The following TBL1Y variants were observed in gnomAD, a reference collection of about 807,000 sequenced individuals.
TBL1Y encodes the protein F-box-like/WD repeat-containing protein TBL1Y.
A neutral mutation model predicts 12.0 loss-of-function variants in TBL1Y; 15 were observed. The ratio of observed to expected loss-of-function variants is 1.25; its 90% CI spans 0.83 to 1.92. The LOEUF (loss-of-function observed/expected upper bound fraction) is 1.92. TBL1Y is among the 40% of genes most tolerant of loss of function. The probability of loss-of-function intolerance (pLI) is 0.00; values close to 1 mark genes in which losing one functional copy is unlikely to be tolerated. For synonymous variants in TBL1Y, 53 were observed against 42.6 expected, an observed-to-expected ratio of 1.24 and a Z score of -0.95; for missense variants, 148 against 116.7, an observed-to-expected ratio of 1.27 and a Z score of -1.24.
At chrY:6,997,395 G>A in intron 4 of TBL1Y, among the ~76,000 whole-genome samples, 1 of 32,570 alleles carries the variant, frequency 3.1e-5, no homozygotes, top group East Asian at 8.1e-4. Flanking sequence ...TCCAGCCTGG[G>A]TGACAGAGCA....
chrY:6,968,524 G>A, intron 2 of TBL1Y, among the ~76,000 whole-genome samples: 6 of 33,573 alleles, frequency 1.8e-4, no homozygotes, highest in Non-Finnish European at 1.5e-4. Context: ...GAAGGGAGTC[G>A]AAAGCAGCAT....
At chrY:7,022,148 G>T in intron 5 of TBL1Y, among the ~76,000 whole-genome samples, 1 of 32,771 alleles carries the variant, frequency 3.1e-5, no homozygotes, top group Admixed American at 2.8e-4. Context: ...CACCCCAAAA[G>T]TTCTTTTAAA....
intron 4 of TBL1Y, among the ~76,000 whole-genome samples, chrY:7,005,640 G>A: frequency 3.0e-5 from 1 of 33,037 alleles, no homozygotes. Context: ...GCCCATTTCA[G>A]GTACATTTTC....
chrY:6,948,647 C>G (rs2012001596), intron 2 of TBL1Y, among the ~76,000 whole-genome samples: 2 of 26,535 alleles, frequency 7.5e-5, no homozygotes, highest in African/African-American at 3.0e-4. Context: ...TGCTCTCCAG[C>G]CTGGGGGAAA....
intron 4 of TBL1Y, among the ~76,000 whole-genome samples, chrY:7,008,189 A>G (rs974935636): frequency 3.0e-5 from 1 of 33,615 alleles, no homozygotes; most frequent in African/African-American, 1.2e-4. Flanking sequence ...GGAAAATGCA[A>G]ACTAGTAGAA....
chrY:7,060,998 C>G (rs2012859869), intron 7 of TBL1Y, among the ~76,000 whole-genome samples: 1 of 28,975 alleles, frequency 3.5e-5, no homozygotes, highest in South Asian at 8.4e-4. Context: ...CCTGCTGGGT[C>G]AAGAGAATTA....
At chrY:7,065,834 A>G in intron 8 of TBL1Y, among the ~76,000 whole-genome samples, 5 of 33,718 alleles carry the variant, frequency 1.5e-4, no homozygotes, top group African/African-American at 5.8e-4. Context: ...CTCAAAATTG[A>G]GAAAATGGCT....
chrY:7,035,747 A>G (rs1603041974), intron 6 of TBL1Y, among the ~76,000 whole-genome samples: 1 of 33,254 alleles, frequency 3.0e-5, no homozygotes, highest in African/African-American at 1.2e-4. Flanking sequence ...TAGTTGAACA[A>G]TTAGAACACA....
At chrY:7,063,720 G>C in intron 7 of TBL1Y, among the ~76,000 whole-genome samples, 177 bp from the exon 8 acceptor site, 1 of 33,385 alleles carries the variant, frequency 3.0e-5, no homozygotes, top group African/African-American at 1.2e-4. Flanking sequence ...TCTTTGAAAA[G>C]AAATTTAGAA....
intron 2 of TBL1Y, among the ~76,000 whole-genome samples, chrY:6,958,695 A>G: frequency 5.9e-5 from 2 of 33,700 alleles, no homozygotes; most frequent in African/African-American, 1.2e-4. Flanking sequence ...AATTAAGTTC[A>G]AGGGAAGGTA....
chrY:6,980,126 G>T, intron 3 of TBL1Y, among the ~76,000 whole-genome samples: 1 of 33,463 alleles, frequency 3.0e-5, no homozygotes, highest in African/African-American at 1.2e-4. Context: ...TTAGATTTGG[G>T]TGGGGACAAC....
chrY:6,941,628 T>G, intron 2 of TBL1Y, among the ~76,000 whole-genome samples: 3 of 33,627 alleles, frequency 8.9e-5, no homozygotes, highest in Non-Finnish European at 2.2e-4. Context: ...CTCTCATTTC[T>G]CCAGTCCTAC....
At chrY:6,913,617 C>A in intron 2 of TBL1Y, among the ~76,000 whole-genome samples, 3 of 32,032 alleles carry the variant, frequency 9.4e-5, no homozygotes, top group African/African-American at 3.7e-4. Flanking sequence ...TTTTAAGCAT[C>A]ATTTTTCATG....
At chrY:6,916,155 C>G in intron 2 of TBL1Y, among the ~76,000 whole-genome samples, 1 of 31,915 alleles carries the variant, frequency 3.1e-5, no homozygotes, top group African/African-American at 1.2e-4. Flanking sequence ...AGATGGCACT[C>G]GAGTTTTTCC....
intron 1 of TBL1Y, among the ~76,000 whole-genome samples, chrY:6,911,678 G>A: frequency 5.7e-5 from 2 of 34,816 alleles, no homozygotes; most frequent in Non-Finnish European, 1.4e-4. Context: ...CAGACCTGTT[G>A]ATCCTAGGTT....
intron 2 of TBL1Y, among the ~76,000 whole-genome samples, chrY:6,956,061 T>C: frequency 5.9e-5 from 2 of 33,651 alleles, no homozygotes; most frequent in Non-Finnish European, 1.5e-4. Flanking sequence ...ATCAGTTTCT[T>C]AAAAATTATA....
intron 6 of TBL1Y, among the ~76,000 whole-genome samples, chrY:7,035,295 G>A: frequency 3.0e-5 from 1 of 33,890 alleles, no homozygotes; most frequent in Non-Finnish European, 7.4e-5. Flanking sequence ...TCATTAAAAA[G>A]GAAACAACAG....
intron 2 of TBL1Y, among the ~76,000 whole-genome samples, chrY:6,925,571 A>AC (rs2011820474): frequency 3.0e-5 from 1 of 33,082 alleles, no homozygotes; most frequent in African/African-American, 1.2e-4. Context: ...GGCATGTGCC[A>AC]CCGCACCTGG....
chrY:7,062,791 T>G, intron 7 of TBL1Y, among the ~76,000 whole-genome samples: 1 of 33,580 alleles, frequency 3.0e-5, no homozygotes, highest in Non-Finnish European at 7.4e-5. Context: ...TACTGGAAGT[T>G]TGTGTGAGGT....
Sources: allele counts gnomAD v4.1 joint callset (sites outside exome capture counted in the v4.1 genomes callset), GRCh38; gene constraint gnomAD v4.1.1; transcripts MANE v1.5; gene names NCBI Gene and HGNC (gene_info 2026-07-23, HGNC 2026-07-21).